Variants in PLCL2 observed in about 807,000 individuals in gnomAD.
PLCL2 encodes inactive phospholipase C-like protein 2.
PLCL2 carries 4 observed loss-of-function variants against 79.6 expected under a neutral mutation model. That is an observed-to-expected ratio of 0.05 (90% CI 0.02 to 0.11). The LOEUF is 0.11. PLCL2 is among the 10% of genes least tolerant of loss of function. The probability of loss-of-function intolerance (pLI) is 1.00; values close to 1 mark genes in which losing one functional copy is unlikely to be tolerated. For synonymous variants in PLCL2, 484 were observed against 457.7 expected (o/e 1.06, Z -0.73); for missense variants, 895 against 1,291.0 (o/e 0.69, Z 4.70).
At chr3:17,031,929 C>CTTTTTTTTTTT (rs35640259) in intron 3 of PLCL2, among the ~76,000 whole-genome samples, 4 of 109,048 alleles carry the variant, frequency 3.7e-5, no homozygotes, top group Non-Finnish European at 5.6e-5. Context: ...CAATTTTCAC[C>CTTTTTTTTTTT]TTTTTTTTTT....
At chr3:16,980,110 C>T (rs1456178181) in intron 1 of PLCL2, among the ~76,000 whole-genome samples, 1 of 108,688 alleles carries the variant, frequency 9.2e-6, no homozygotes. Context: ...CACCCCACCT[C>T]CCTCCCGGAC....
intron 1 of PLCL2, among the ~76,000 whole-genome samples, chr3:16,940,971 C>T (rs1233602021): frequency 1.3e-5 from 2 of 152,206 alleles, no homozygotes; most frequent in Admixed American, 1.3e-4. Context: ...TGTAGGCCTG[C>T]AGTCCTCTTT....
chr3:17,050,848 A>G (rs2064832038), intron 4 of PLCL2, among the ~76,000 whole-genome samples: 1 of 152,226 alleles, frequency 6.6e-6, no homozygotes, highest in Non-Finnish European at 1.5e-5. Context: ...CTGCACTCCC[A>G]TGTTTTTTGC....
chr3:17,074,283 T>C (rs1303580139), intron 5 of PLCL2, among the ~76,000 whole-genome samples: 3 of 152,236 alleles, frequency 2.0e-5, no homozygotes, highest in African/African-American at 7.2e-5. Flanking sequence ...ACATTGTTGA[T>C]ATGCAGTAAT....
intron 5 of PLCL2, among the ~76,000 whole-genome samples, chr3:17,088,880 C>A (rs563036654): frequency 6.6e-6 from 1 of 152,232 alleles, no homozygotes; most frequent in South Asian, 2.1e-4. Context: ...TGTTTTCTGA[C>A]CTATATCATG....
At chr3:17,035,978 C>T (rs1023384541) in intron 3 of PLCL2, among the ~76,000 whole-genome samples, 1 of 152,000 alleles carries the variant, frequency 6.6e-6, no homozygotes, top group Non-Finnish European at 1.5e-5. Flanking sequence ...TTTTTTCCCC[C>T]CTATAATTTG....
intron 1 of PLCL2, among the ~76,000 whole-genome samples, chr3:16,934,846 G>A (rs1559490641): frequency 6.6e-6 from 1 of 152,122 alleles, no homozygotes; most frequent in Non-Finnish European, 1.5e-5. Flanking sequence ...TCAGCCCTCT[G>A]GTTGTTCACT....
chr3:16,950,978 C>T, intron 1 of PLCL2, among the ~76,000 whole-genome samples: 1 of 151,880 alleles, frequency 6.6e-6, no homozygotes, highest in East Asian at 1.9e-4. Flanking sequence ...TTGTCATTGT[C>T]TGGTTTGTGT....
chr3:17,042,825 G>A, intron 3 of PLCL2, 49 bp from the exon 4 acceptor site: 1 of 1,264,946 alleles, frequency 7.9e-7, no homozygotes, highest in Non-Finnish European at 1.2e-6. Flanking sequence ...AATGCAGGAG[G>A]GGATCTAGTT....
At chr3:17,049,687 T>A (rs974083573) in intron 4 of PLCL2, among the ~76,000 whole-genome samples, 6 of 151,736 alleles carry the variant, frequency 4.0e-5, no homozygotes, top group African/African-American at 1.5e-4. Context: ...AGGGCACACA[T>A]AAAAAAATGG....
rs1241438745 is a variant in PLCL2, at chr3:17,014,931, T to C, written c.3018+20T>C. ...GACATGGTGAGTTGTCCTTTGTCCG[T>C]TTACATAGCCTGGGTGAGAGAGATA... is the stretch of plus-strand genomic sequence containing the variant. On this transcript the variant is annotated intron_variant, in intron 3 of 5. Coordinates refer to ENST00000615277, the MANE Select transcript of PLCL2 (RefSeq NM_001144382.2). The C allele has an allele frequency of 6.3e-7, 1 of 1,590,936 alleles. No homozygotes were observed. The highest frequency in any genetic ancestry group is 1.1e-5 in the South Asian group (1 of 90,520).
intron 1 of PLCL2, among the ~76,000 whole-genome samples, chr3:16,938,954 A>G (rs138766957): frequency 2.6e-5 from 4 of 152,330 alleles, no homozygotes; most frequent in African/African-American, 7.2e-5. Flanking sequence ...CTTTTATTCA[A>G]CTTTAAAAAC....
intron 1 of PLCL2, among the ~76,000 whole-genome samples, chr3:16,957,674 G>A (rs2063719029): frequency 6.6e-6 from 1 of 152,160 alleles, no homozygotes; most frequent in Non-Finnish European, 1.5e-5. Flanking sequence ...CAGTCTGTTT[G>A]TAGGTCACTG....
intron 3 of PLCL2, among the ~76,000 whole-genome samples, chr3:17,039,976 A>G (rs976701318): frequency 1.3e-5 from 2 of 152,224 alleles, no homozygotes; most frequent in Admixed American, 6.5e-5. Flanking sequence ...TCACCATTAA[A>G]TATCCTGCCA....
intron 1 of PLCL2, among the ~76,000 whole-genome samples, chr3:16,946,953 C>CTTTTTTT (rs1056023349): frequency 0.018 from 1,688 of 95,298 alleles, 179 homozygotes; most frequent in Middle Eastern, 0.036. Flanking sequence ...AAGTTTCATT[C>CTTTTTTT]TTTTTTTTTT....
chr3:17,016,781 C>A (rs554429622), intron 3 of PLCL2, among the ~76,000 whole-genome samples: 1 of 152,104 alleles, frequency 6.6e-6, no homozygotes, highest in South Asian at 2.1e-4. Flanking sequence ...TATTTATAAA[C>A]GCTTTTTAAG....
At chr3:16,983,583 T>C (rs981675631) in intron 1 of PLCL2, among the ~76,000 whole-genome samples, 1 of 152,106 alleles carries the variant, frequency 6.6e-6, no homozygotes, top group African/African-American at 2.4e-5. Context: ...GGCAGGAGAA[T>C]CACTTGAACC....
At chr3:16,906,381 G>T (rs925253656) in intron 1 of PLCL2, among the ~76,000 whole-genome samples, 2 of 152,138 alleles carry the variant, frequency 1.3e-5, no homozygotes, top group African/African-American at 2.4e-5. Flanking sequence ...AAAGTTGAGA[G>T]AAGGCATTAA....
intron 1 of PLCL2, among the ~76,000 whole-genome samples, chr3:16,894,621 T>C (rs897481898): frequency 6.6e-6 from 1 of 152,216 alleles, no homozygotes; most frequent in Non-Finnish European, 1.5e-5. Flanking sequence ...TTTGTCTTTT[T>C]GCTTTTTGAT....
Sources: allele counts gnomAD v4.1 joint callset (sites outside exome capture counted in the v4.1 genomes callset), GRCh38; gene constraint gnomAD v4.1.1; transcripts MANE v1.5; gene names NCBI Gene and HGNC (gene_info 2026-07-23, HGNC 2026-07-21).